TCERG1: variants seen among roughly 807,000 people sequenced by gnomAD.
TCERG1 encodes transcription elongation regulator 1.
A neutral mutation model predicts 144.7 loss-of-function variants in TCERG1; 37 were observed. The observed-to-expected ratio is 0.26, with a 90% confidence interval of 0.20 to 0.34. The LOEUF is 0.34. TCERG1 is among the 10% of genes least tolerant of loss of function. The pLI is 1.00. For missense variants in TCERG1, 1,027 were observed against 1,380.7 expected, an observed-to-expected ratio of 0.74 and a Z score of 4.06; for synonymous variants, 492 against 458.2, an observed-to-expected ratio of 1.07 and a Z score of -0.94.
At chr5:146,490,512 T>A (rs1452499883) in intron 15 of TCERG1, among the ~76,000 whole-genome samples, 1 of 152,226 alleles carries the variant, frequency 6.6e-6, no homozygotes. Flanking sequence ...CTGCTTCTAG[T>A]GTTCGTTGTT....
chr5:146,478,101 A>G (rs1439639219), intron 9 of TCERG1, among the ~76,000 whole-genome samples: 1 of 152,196 alleles, frequency 6.6e-6, no homozygotes, highest in Non-Finnish European at 1.5e-5. Context: ...AATATTAAGA[A>G]CTATAGTAGC....
At chr5:146,509,492 CTTT>C (rs35545475) in intron 22 of TCERG1, among the ~76,000 whole-genome samples, 3 of 141,534 alleles carry the variant, frequency 2.1e-5, no homozygotes, top group African/African-American at 2.6e-5. Flanking sequence ...GAATACATAC[CTTT>C]TTTTTTTTTT....
intron 8 of TCERG1, 52 bp downstream of exon 8, chr5:146,470,800 G>A: frequency 7.6e-7 from 1 of 1,320,102 alleles, no homozygotes; most frequent in Non-Finnish European, 1.1e-6. Context: ...GTTTCCTACA[G>A]CTTACTTGTA....
rs1765479808 is a variant in TCERG1, at chr5:146,482,821, G to A, written c.2073+94G>A. ...GGTCAAATCTAAGGTTAGTGCTCAT[G>A]TTATGGGGGGGGATAAGGGGATTTT... On this transcript the variant is annotated intron_variant, in intron 14 of 22. Coordinates refer to ENST00000679501, the MANE Select transcript of TCERG1 (RefSeq NM_001382548.1). 9 of 1,365,688 alleles carry A rather than the reference G, an allele frequency of 6.6e-6. No individual in the cohort carries two copies. In the Admixed American group the frequency reaches 2.5e-4, roughly 38 times the overall value. 84.6% of individuals were successfully genotyped at this position (1,365,688 alleles called of 1,614,324 possible).
intron 5 of TCERG1, among the ~76,000 whole-genome samples, chr5:146,464,165 A>G (rs1420135441): frequency 6.6e-6 from 1 of 152,252 alleles, no homozygotes; most frequent in Non-Finnish European, 1.5e-5. Context: ...ATTTATATAC[A>G]GTGCACTGTT....
chr5:146,475,263 G>A (rs1472669229), intron 9 of TCERG1, among the ~76,000 whole-genome samples: 1 of 152,230 alleles, frequency 6.6e-6, no homozygotes, highest in African/African-American at 2.4e-5. Flanking sequence ...CCTACAGACA[G>A]GCAAGCAGGT....
chr5:146,484,640 T>G (rs919032179), intron 15 of TCERG1, among the ~76,000 whole-genome samples: 2 of 152,238 alleles, frequency 1.3e-5, no homozygotes, highest in Admixed American at 1.3e-4. Flanking sequence ...ATCTTCATTT[T>G]AAGCTTTGTA....
chr5:146,467,639 A>G (rs1763907299), intron 5 of TCERG1, among the ~76,000 whole-genome samples: 2 of 152,226 alleles, frequency 1.3e-5, no homozygotes, highest in African/African-American at 4.8e-5. Context: ...CATTAGTGGT[A>G]TTAAAGGGGC....
At chr5:146,475,666 C>A (rs1764775808) in intron 9 of TCERG1, among the ~76,000 whole-genome samples, 1 of 152,134 alleles carries the variant, frequency 6.6e-6, no homozygotes, top group Non-Finnish European at 1.5e-5. Context: ...TGACCTTGAG[C>A]AGTAGGATAT....
chr5:146,469,400 C>T (rs1402617972), intron 6 of TCERG1, 144 bp from the exon 7 acceptor site: 7 of 608,718 alleles, frequency 1.1e-5, no homozygotes, highest in Non-Finnish European at 1.8e-5. Flanking sequence ...ATTTTTATGT[C>T]ACCTTTTTAT....
chr5:146,469,602 T>C lies in TCERG1; in HGVS notation c.1257T>C (p.Ile419=). The C allele has an allele frequency of 1.2e-6, 2 of 1,613,486 alleles. No homozygotes were observed. The highest frequency in any genetic ancestry group is 1.7e-6 in the Non-Finnish European group (2 of 1,179,664). The change falls in exon 7 of 23, where the codon ATT becomes ATC. Residue 419 remains isoleucine, a synonymous_variant. Coordinates refer to ENST00000679501, the MANE Select transcript of TCERG1 (RefSeq NM_001382548.1). The part of the protein sequence containing the change: ...IVPMIHPQVA[I]AASPATLAGA... ...CCATGATACATCCCCAGGTTGCTAT[T>C]GCAGCTTCACCTGCTACCTTAGCTG...
At chr5:146,474,529 TAAGG>T (rs1350257958) in intron 9 of TCERG1, among the ~76,000 whole-genome samples, 2 of 152,318 alleles carry the variant, frequency 1.3e-5, no homozygotes, top group African/African-American at 4.8e-5. Context: ...TGCCAAACTT[TAAGG>T]AAGCTGTACT....
rs1441691840 is a variant in TCERG1 at position 146,492,846 on chromosome 5, A to G, written c.2164-74A>G. The G allele has an allele frequency of 3.9e-6, 4 of 1,018,488 alleles. No individual in the cohort carries two copies. The East Asian group carries it at 1.0e-4, about 25-fold the overall frequency. The allele number at this position is 1,018,488 out of a possible 1,614,324, so 63.1% of individuals were successfully genotyped here. ...TTCCTGGTATAGTTTGGACAAAGACATTGTCCAATAATTTGGTAGTTAAAT... is the reference window on the plus strand; with the variant it reads ...TTCCTGGTATAGTTTGGACAAAGACGTTGTCCAATAATTTGGTAGTTAAAT... On this transcript the variant is annotated intron_variant, in intron 15 of 22. Transcript: ENST00000679501.
In TCERG1 at chr5:146,504,689, G is replaced by A. The variant is rs1767782290; in HGVS notation, c.2781+683G>A. On this transcript the variant is annotated intron_variant, in intron 19 of 22. Transcript: ENST00000679501. ...CATCTGTTTCTTACTCTACCCAGGAGTATCCAATCTTTTGGCTTCCCTGGG... is the reference window on the plus strand; with the variant it reads ...CATCTGTTTCTTACTCTACCCAGGAATATCCAATCTTTTGGCTTCCCTGGG... Among the ~76,000 whole-genome samples the A allele has an allele frequency of 2.0e-5, 3 of 152,148 alleles. No homozygotes were observed. The South Asian group carries it at 6.2e-4, about 32-fold the overall frequency.
intron 5 of TCERG1, among the ~76,000 whole-genome samples, chr5:146,467,059 T>C (rs1334594570): frequency 6.6e-6 from 1 of 152,250 alleles, no homozygotes; most frequent in Admixed American, 6.5e-5. Context: ...ATTATACATA[T>C]AACTTTATTC....
chr5:146,501,098 T>C (rs966163323), intron 17 of TCERG1, among the ~76,000 whole-genome samples: 15 of 152,170 alleles, frequency 9.9e-5, no homozygotes, highest in Admixed American at 9.8e-4. Context: ...TTATAACCAA[T>C]TTTTATAAAA....
chr5:146,466,784 G>A (rs1335913937), intron 5 of TCERG1, among the ~76,000 whole-genome samples: 3 of 152,134 alleles, frequency 2.0e-5, no homozygotes, highest in African/African-American at 7.2e-5. Context: ...TTTAATAATG[G>A]TGGTTAAGCC....
chr5:146,463,684 T>C lies in TCERG1; in HGVS notation c.1026T>C (p.Pro342=). ...AGCCGCACCCTCAGACGTTACCTCC[T>C]GCTGTTCCTCATTCAGTACCTCAGC... ...VPQPHPQTLP[P]AVPHSVPQPT... The change falls in exon 5 of 23, where the codon CCT becomes CCC. Residue 342 remains proline (P), a synonymous_variant. Coordinates refer to ENST00000679501, the MANE Select transcript of TCERG1 (RefSeq NM_001382548.1). 6 of 1,614,214 alleles carry C rather than the reference T, an allele frequency of 3.7e-6. No homozygotes were observed. Among genetic ancestry groups the C allele is most frequent in the Non-Finnish European group, 5.1e-6 (6 of 1,180,028 alleles).
chr5:146,488,267 C>T (rs1179878117), intron 15 of TCERG1, among the ~76,000 whole-genome samples: 1 of 152,086 alleles, frequency 6.6e-6, no homozygotes, highest in Non-Finnish European at 1.5e-5. Flanking sequence ...TAAAACAGTT[C>T]TCCATAGCAA....
Sources: gnomAD v4.1 joint callset for allele counts (sites outside exome capture counted in the v4.1 genomes callset) on GRCh38, gnomAD v4.1.1 for gene constraint, MANE v1.5 for transcripts, NCBI Gene and HGNC (gene_info 2026-07-23, HGNC 2026-07-21) for gene names.